The following LRMDA variants were observed in gnomAD, a reference collection of about 807,000 sequenced individuals.
LRMDA encodes leucine rich melanocyte differentiation associated, also known as leucine-rich melanocyte differentiation-associated protein.
In LRMDA, 18 loss-of-function variants were observed where a neutral mutation model predicts 29.8. The ratio of observed to expected loss-of-function variants is 0.60; its 90% confidence interval spans 0.42 to 0.90. The LOEUF is 0.90. LRMDA is among the 40% of genes least tolerant of loss of function. The pLI, the probability that LRMDA is intolerant of heterozygous loss-of-function variation, is 0.00. For missense variants in LRMDA, 273 were observed against 273.9 expected (o/e 1.00, Z 0.02); for synonymous variants, 125 against 109.4 (o/e 1.14, Z -0.89).
intron 6 of LRMDA, among the ~76,000 whole-genome samples, chr10:76,357,082 A>G (rs765367089): frequency 2.0e-5 from 3 of 152,328 alleles, no homozygotes; most frequent in South Asian, 2.1e-4. Flanking sequence ...AAGGCATAGA[A>G]AGAGAGAAGA....
intron 6 of LRMDA, among the ~76,000 whole-genome samples, chr10:76,536,738 C>T (rs1039815453): frequency 2.6e-5 from 4 of 152,092 alleles, no homozygotes; most frequent in African/African-American, 7.2e-5. Flanking sequence ...CTTAGTGATG[C>T]TAAGATTGAT....
chr10:75,761,458 C>T (rs187965236), intron 2 of LRMDA, among the ~76,000 whole-genome samples: 131 of 152,176 alleles, frequency 8.6e-4, no homozygotes, highest in African/African-American at 3.1e-3. Context: ...TATCTGATTC[C>T]ACTTATGTGA....
intron 6 of LRMDA, among the ~76,000 whole-genome samples, chr10:76,415,499 C>T (rs762725168): frequency 4.6e-5 from 7 of 152,096 alleles, no homozygotes; most frequent in East Asian, 1.9e-4. Flanking sequence ...CTGTCCCATA[C>T]GTTCTAGGCT....
chr10:75,610,491 C>G (rs1164220659), intron 2 of LRMDA, among the ~76,000 whole-genome samples: 1 of 152,072 alleles, frequency 6.6e-6, no homozygotes, highest in Non-Finnish European at 1.5e-5. Flanking sequence ...CCCACATACA[C>G]ACACACACCA....
intron 2 of LRMDA, among the ~76,000 whole-genome samples, chr10:75,831,447 A>G (rs1280943512): frequency 2.0e-5 from 3 of 152,212 alleles, no homozygotes; most frequent in Non-Finnish European, 4.4e-5. Flanking sequence ...GGTCTTGGGC[A>G]GCTCTGCCCC....
chr10:76,359,296 C>T (rs1841280834), intron 6 of LRMDA, among the ~76,000 whole-genome samples: 1 of 152,152 alleles, frequency 6.6e-6, no homozygotes, highest in Admixed American at 6.5e-5. Context: ...CACAGCACTT[C>T]CCTGAAACCT....
chr10:75,434,289 CT>C (rs1844241375), intron 1 of LRMDA, among the ~76,000 whole-genome samples: 1 of 152,162 alleles, frequency 6.6e-6, no homozygotes, highest in Admixed American at 6.5e-5. Flanking sequence ...GTGTTGTGCA[CT>C]TTTAATATGT....
At chr10:76,041,031 G>C (rs1848331319) in intron 3 of LRMDA, among the ~76,000 whole-genome samples, 2 of 152,230 alleles carry the variant, frequency 1.3e-5, no homozygotes, top group African/African-American at 4.8e-5. Context: ...TCTTAGGAAA[G>C]TCTCTGTACC....
intron 2 of LRMDA, among the ~76,000 whole-genome samples, chr10:75,766,692 A>C (rs556491779): frequency 4.8e-4 from 73 of 152,256 alleles, no homozygotes; most frequent in African/African-American, 1.7e-3. Context: ...TTTGTTACAT[A>C]GGCACACATG....
chr10:75,919,279 C>T (rs1845988590), intron 2 of LRMDA, among the ~76,000 whole-genome samples: 1 of 152,132 alleles, frequency 6.6e-6, no homozygotes, highest in African/African-American at 2.4e-5. Context: ...GATGTTTAGT[C>T]TAGGGGTTGA....
At chr10:75,832,856 C>G (rs556590426) in intron 2 of LRMDA, among the ~76,000 whole-genome samples, 1 of 152,234 alleles carries the variant, frequency 6.6e-6, no homozygotes, top group South Asian at 2.1e-4. Flanking sequence ...TTCACTATCA[C>G]GAGAACAACA....
chr10:75,844,458 A>G (rs538966978), intron 2 of LRMDA, among the ~76,000 whole-genome samples: 9 of 152,330 alleles, frequency 5.9e-5, no homozygotes, highest in African/African-American at 1.9e-4. Context: ...AGAATCCTAC[A>G]GCCTATAAAT....
At chr10:76,341,769 C>T (rs1841044861) in intron 6 of LRMDA, among the ~76,000 whole-genome samples, 1 of 152,176 alleles carries the variant, frequency 6.6e-6, no homozygotes, top group South Asian at 2.1e-4. Flanking sequence ...TGGGCCTCTC[C>T]ATGTGGTTTC....
At chr10:76,363,217 GAGAAAGAA>G (rs796149725) in intron 6 of LRMDA, among the ~76,000 whole-genome samples, 226 of 18,044 alleles carry the variant, frequency 0.013, 16 homozygotes, top group East Asian at 0.036. Flanking sequence ...AGGGAAGGAA[GAGAAAGAA>G]AGAAAGAAAG....
At chr10:76,231,136 T>C (rs67598457) in intron 5 of LRMDA, among the ~76,000 whole-genome samples, 1 of 151,350 alleles carries the variant, frequency 6.6e-6, no homozygotes, top group Admixed American at 6.6e-5. Context: ...ATTCATGTTG[T>C]GGGGGAAAGA....
chr10:75,500,886 A>T (rs1397780104), intron 2 of LRMDA, among the ~76,000 whole-genome samples: 1 of 152,154 alleles, frequency 6.6e-6, no homozygotes, highest in Non-Finnish European at 1.5e-5. Context: ...TTTGGTGGGG[A>T]CACAGACCTA....
intron 5 of LRMDA, chr10:76,318,504 C>G (rs1185750301): frequency 6.6e-6 from 1 of 152,424 alleles, no homozygotes; most frequent in South Asian, 2.1e-4. Flanking sequence ...CTTGAATTAC[C>G]CTTCAGCTCC....
chr10:76,215,949 A>C (rs2132251664), intron 5 of LRMDA, among the ~76,000 whole-genome samples: 1 of 152,364 alleles, frequency 6.6e-6, no homozygotes, highest in Middle Eastern at 3.4e-3. Flanking sequence ...AAATGTACAA[A>C]CAGCAAAAAG....
At chr10:76,261,211 C>T (rs1839938679) in intron 5 of LRMDA, among the ~76,000 whole-genome samples, 2 of 151,794 alleles carry the variant, frequency 1.3e-5, no homozygotes, top group South Asian at 2.1e-4. Flanking sequence ...ACTACAGGCG[C>T]CTGCCACCAC....
Sources: allele counts gnomAD v4.1 joint callset (sites outside exome capture counted in the v4.1 genomes callset), GRCh38; gene constraint gnomAD v4.1.1; transcripts MANE v1.5; gene names NCBI Gene and HGNC (gene_info 2026-07-23, HGNC 2026-07-21).